The following GRM8 variants were observed in gnomAD, a reference collection of about 807,000 sequenced individuals.
The protein encoded by GRM8 is glutamate metabotropic receptor 8.
GRM8 carries 47 observed loss-of-function variants against 87.2 expected under a neutral mutation model. That is an observed-to-expected ratio of 0.54 (90% CI 0.43 to 0.69). GRM8 has a LOEUF of 0.69. Ranked by LOEUF, GRM8 falls within the 30% of genes least tolerant of loss-of-function variation. GRM8 has a pLI of 0.00. For synonymous variants in GRM8, 396 were observed against 404.5 expected, an observed-to-expected ratio of 0.98 and a Z score of 0.25; for missense variants, 1,019 against 1,139.2, an observed-to-expected ratio of 0.89 and a Z score of 1.52.
rs145071112 is a variant in GRM8, at chr7:126,852,446, G to A, written c.1156+50096C>T. On this transcript the variant is annotated intron_variant, in intron 6 of 10. Coordinates refer to ENST00000339582, the MANE Select transcript of GRM8 (RefSeq NM_000845.3). ...CAGTTAGTAGCTGGAAGGGCCACAG[G>A]TTGTCAATAGCAGGATGGTATTCGG... Among the ~76,000 whole-genome samples the A allele has an allele frequency of 3.9e-5, 6 of 152,274 alleles. No individual in the cohort carries two copies. The East Asian group carries it at 5.8e-4, about 15-fold the overall frequency.
chr7:126,591,551 T>C (rs994497472), intron 8 of GRM8, among the ~76,000 whole-genome samples: 13 of 151,872 alleles, frequency 8.6e-5, no homozygotes, highest in African/African-American at 3.1e-4. Flanking sequence ...TACAGAACAT[T>C]CAAAGATAAA....
At chr7:126,459,272 G>C (rs1803612533) in intron 9 of GRM8, among the ~76,000 whole-genome samples, 1 of 151,428 alleles carries the variant, frequency 6.6e-6, no homozygotes. Context: ...TATTAGAAGT[G>C]AGAAAACAAA....
chr7:126,827,898 T>C (rs1436062837), intron 6 of GRM8, among the ~76,000 whole-genome samples: 1 of 152,212 alleles, frequency 6.6e-6, no homozygotes, highest in African/African-American at 2.4e-5. Context: ...CAATACCTAA[T>C]TTATTGAGAA....
chr7:127,244,701 T>C (rs1175987210), intron 1 of GRM8, among the ~76,000 whole-genome samples: 1 of 152,192 alleles, frequency 6.6e-6, no homozygotes, highest in East Asian at 1.9e-4. Flanking sequence ...CAAGTTCCAG[T>C]TCATAAAATT....
At position 126,446,067 on chromosome 7, in the gene GRM8, G is replaced by T. The variant is rs752747950; in HGVS notation, c.2677+59C>A. The T allele has an allele frequency of 2.5e-6, 4 of 1,597,874 alleles. No homozygotes were observed. In the South Asian group the frequency reaches 4.4e-5, roughly 18 times the overall value. On this transcript the variant is annotated intron_variant, in intron 10 of 10. Transcript: ENST00000339582. ...CAAGACTAGGAGAAGAATGTTCAAC[G>T]TACATCTATTAGGAAGTGCTCCCGC...
intron 6 of GRM8, among the ~76,000 whole-genome samples, chr7:126,866,580 ATTTTTTTTTTTTTTTTTT>A (rs59013947): frequency 8.8e-5 from 6 of 68,028 alleles, no homozygotes; most frequent in African/African-American, 3.9e-4. Flanking sequence ...CTTTGACTCA[ATTTTTTTTTTTTTTTTTT>A]TTTTTTTTTT....
At chr7:126,601,529 C>G (rs963589195) in intron 8 of GRM8, among the ~76,000 whole-genome samples, 13 of 151,670 alleles carry the variant, frequency 8.6e-5, no homozygotes, top group African/African-American at 2.2e-4. Flanking sequence ...AATGGTTGAA[C>G]TAGTTTACAG....
intron 8 of GRM8, among the ~76,000 whole-genome samples, chr7:126,606,705 G>A (rs1042320707): frequency 2.6e-5 from 4 of 152,080 alleles, no homozygotes; most frequent in Non-Finnish European, 4.4e-5. Context: ...GGTAAAACCC[G>A]CAACGCTATC....
rs138069978 is a variant in GRM8, at chr7:126,595,423, ATTT to A, written c.1494+13936_1494+13938del. Among the ~76,000 whole-genome samples the A allele has an allele frequency of 6.7e-3, 464 of 69,744 alleles. 4 individuals are homozygous for A. Among genetic ancestry groups the A allele is most frequent in the East Asian group, 0.023 (39 of 1,660 alleles). The allele number at this position is 69,744 out of a possible 152,430, so 45.8% of individuals were successfully genotyped here. ...ATTTTATTTTATTTTATTTTATTTT[ATTT>A]TATTATTTTATTATTTATTTTGTAG... On this transcript the variant is annotated intron_variant, in intron 8 of 10. Transcript: ENST00000339582.
intron 2 of GRM8, among the ~76,000 whole-genome samples, chr7:127,187,740 T>A (rs1794814562): frequency 6.6e-6 from 1 of 152,186 alleles, no homozygotes; most frequent in Admixed American, 6.5e-5. Context: ...ATGGTTCCTG[T>A]TCTCACTTCC....
chr7:126,891,773 T>C (rs1801033001), intron 6 of GRM8, among the ~76,000 whole-genome samples: 1 of 152,062 alleles, frequency 6.6e-6, no homozygotes, highest in South Asian at 2.1e-4. Flanking sequence ...GCTAAATTAT[T>C]CACCTTCCCA....
chr7:126,606,881 G>A (rs754570799), intron 8 of GRM8, among the ~76,000 whole-genome samples: 11 of 152,212 alleles, frequency 7.2e-5, no homozygotes, highest in Non-Finnish European at 1.6e-4. Flanking sequence ...TACATTATGC[G>A]TATATGGCGA....
chr7:126,914,819 T>G (rs1449579721), intron 3 of GRM8, among the ~76,000 whole-genome samples: 1 of 152,176 alleles, frequency 6.6e-6, no homozygotes, highest in Non-Finnish European at 1.5e-5. Context: ...GGGTACTATG[T>G]TCATCATCTG....
chr7:126,511,184 A>G (rs1472557191), intron 9 of GRM8: 1 of 152,050 alleles, frequency 6.6e-6, no homozygotes, highest in Non-Finnish European at 1.5e-5. Context: ...TAGTTGGGAG[A>G]CTCACTAAGA....
intron 7 of GRM8, among the ~76,000 whole-genome samples, chr7:126,652,311 A>G (rs1803991958): frequency 6.6e-6 from 1 of 152,196 alleles, no homozygotes; most frequent in Non-Finnish European, 1.5e-5. Context: ...TCTTTATTTG[A>G]AGATAATGTG....
At chr7:127,153,739 TG>T (rs1563545940) in intron 2 of GRM8, among the ~76,000 whole-genome samples, 1 of 152,144 alleles carries the variant, frequency 6.6e-6, no homozygotes, top group African/African-American at 2.4e-5. Context: ...GCACAGCTCC[TG>T]GCACAAGGTA....
At chr7:126,820,741 C>T (rs967501552) in intron 6 of GRM8, among the ~76,000 whole-genome samples, 5 of 152,328 alleles carry the variant, frequency 3.3e-5, no homozygotes, top group South Asian at 2.1e-4. Flanking sequence ...TTTCTGCTCT[C>T]TCAAATTTCC....
At chr7:126,757,206 T>C (rs963717867) in intron 7 of GRM8, among the ~76,000 whole-genome samples, 1 of 152,110 alleles carries the variant, frequency 6.6e-6, no homozygotes, top group Non-Finnish European at 1.5e-5. Context: ...GTACAGATTA[T>C]ACAATTTTAT....
chr7:126,855,820 T>C (rs1189330961), intron 6 of GRM8, among the ~76,000 whole-genome samples: 1 of 152,030 alleles, frequency 6.6e-6, no homozygotes, highest in Non-Finnish European at 1.5e-5. Flanking sequence ...ATGGAGAAAA[T>C]ACTTAACACT....
Sources: allele counts gnomAD v4.1 joint callset (sites outside exome capture counted in the v4.1 genomes callset), GRCh38; gene constraint gnomAD v4.1.1; transcripts MANE v1.5; gene names NCBI Gene and HGNC (gene_info 2026-07-23, HGNC 2026-07-21).